The following ABCA12 variants were observed in gnomAD, a reference collection of about 807,000 sequenced individuals.
ABCA12 encodes glucosylceramide transporter ABCA12.
ABCA12 carries 156 observed loss-of-function variants against 293.5 expected under a neutral mutation model. The ratio of observed to expected loss-of-function variants is 0.53; its 90% CI spans 0.47 to 0.61. The LOEUF (loss-of-function observed/expected upper bound fraction) is 0.61, where lower values mean the gene tolerates loss of function less well. Ranked by LOEUF, ABCA12 falls within the 20% of genes least tolerant of loss-of-function variation. The probability of loss-of-function intolerance (pLI) is 0.00; values close to 1 mark genes in which losing one functional copy is unlikely to be tolerated. For synonymous variants in ABCA12, 1,063 were observed against 1,108.0 expected, an observed-to-expected ratio of 0.96 and a Z score of 0.81; for missense variants, 2,797 against 3,090.2, an observed-to-expected ratio of 0.91 and a Z score of 2.25.
At chr2:215,068,065 C>A (rs1701669229) in intron 2 of ABCA12, among the ~76,000 whole-genome samples, 1 of 152,108 alleles carries the variant, frequency 6.6e-6, no homozygotes, top group East Asian at 1.9e-4. Context: ...AGAATCTATT[C>A]TGAACACTGT....
chr2:215,075,458 C>T (rs1382752375), intron 2 of ABCA12: 5 of 647,296 alleles, frequency 7.7e-6, no homozygotes, highest in Non-Finnish European at 1.4e-5. Context: ...AAGGTTCAGA[C>T]AGGAGCGAGA....
intron 2 of ABCA12, among the ~76,000 whole-genome samples, chr2:215,110,277 G>T (rs527640324): frequency 6.6e-6 from 1 of 152,156 alleles, no homozygotes; most frequent in South Asian, 2.1e-4. Flanking sequence ...TTGGGAGGCC[G>T]AGGTGGGTGG....
intron 2 of ABCA12, 77 bp from the exon 3 acceptor site, chr2:215,064,296 T>C (rs1701595896): frequency 1.2e-5 from 18 of 1,449,634 alleles, no homozygotes; most frequent in South Asian, 9.3e-5. Flanking sequence ...TAACTCCACT[T>C]TGTGAAGTTA....
At chr2:214,944,609 C>T (rs1409627826) in intron 49 of ABCA12, among the ~76,000 whole-genome samples, 2 of 151,684 alleles carry the variant, frequency 1.3e-5, no homozygotes, top group African/African-American at 4.8e-5. Context: ...GAGAGCCTTG[C>T]ATGTTGAGCC....
intron 1 of ABCA12, among the ~76,000 whole-genome samples, chr2:215,126,079 T>A (rs529439917): frequency 6.6e-6 from 1 of 152,332 alleles, no homozygotes; most frequent in Non-Finnish European, 1.5e-5. Flanking sequence ...TTAATTCTGT[T>A]TATGTGGTGT....
chr2:215,096,755 C>T (rs181957847), intron 2 of ABCA12, among the ~76,000 whole-genome samples: 1 of 152,256 alleles, frequency 6.6e-6, no homozygotes, highest in African/African-American at 2.4e-5. Context: ...ATCTAGTCTT[C>T]TGACACTATC....
chr2:215,078,150 T>C (rs1304806229), intron 2 of ABCA12, among the ~76,000 whole-genome samples: 1 of 152,236 alleles, frequency 6.6e-6, no homozygotes, highest in Non-Finnish European at 1.5e-5. Context: ...ATTAGCCAGA[T>C]GGCAGCTCTT....
intron 1 of ABCA12, among the ~76,000 whole-genome samples, chr2:215,113,982 T>C (rs1420426791): frequency 6.6e-6 from 1 of 152,082 alleles, no homozygotes; most frequent in African/African-American, 2.4e-5. Flanking sequence ...ATAAACTTGC[T>C]TTTTTTTCTT....
At chr2:215,017,733 G>A in intron 14 of ABCA12, 4 of 383,336 alleles carry the variant, frequency 1.0e-5, no homozygotes, top group South Asian at 9.9e-5. Context: ...CTCATTGATT[G>A]AGGAAGCCAT....
Position 215,138,318 on chromosome 2 carries a change from C to T in ABCA12, c.-110G>A, listed in dbSNP as rs754004029. The T allele has an allele frequency of 2.6e-5, 29 of 1,130,352 alleles. No homozygotes were observed. The highest frequency in any genetic ancestry group is 3.6e-5 in the Non-Finnish European group (27 of 741,922). 70.0% of individuals were successfully genotyped at this position (1,130,352 alleles called of 1,614,324 possible). On this transcript the variant is annotated 5_prime_UTR_variant, in exon 1 of 53. The change creates a new upstream start codon in the 5' untranslated region. Transcript: ENST00000272895. ...TGTCAGTGTATCAGTACCCCTTTCA[C>T]GGCATAGCTTCCTTGAGGGCTGGGG...
intron 23 of ABCA12, among the ~76,000 whole-genome samples, chr2:214,995,024 T>C (rs919615699): frequency 4.6e-5 from 7 of 152,198 alleles, no homozygotes; most frequent in Non-Finnish European, 1.0e-4. Flanking sequence ...ATAGCTTCAG[T>C]ATTTTAATTT....
intron 38 of ABCA12, among the ~76,000 whole-genome samples, 180 bp downstream of exon 38, chr2:214,968,540 T>C (rs562829407): frequency 6.6e-6 from 1 of 152,254 alleles, no homozygotes; most frequent in East Asian, 1.9e-4. Flanking sequence ...TGTGTCCTGA[T>C]GCTAATGTGT....
At chr2:215,098,249 C>A (rs536335863) in intron 2 of ABCA12, among the ~76,000 whole-genome samples, 2 of 152,304 alleles carry the variant, frequency 1.3e-5, no homozygotes, top group South Asian at 4.2e-4. Flanking sequence ...AGCCCCCACA[C>A]CCCCTGCAAT....
chr2:214,934,268 A>C, intron 51 of ABCA12, 53 bp from the exon 52 acceptor site: 1 of 1,599,534 alleles, frequency 6.3e-7, no homozygotes. Flanking sequence ...TAATGTTGAC[A>C]TGACTAGACA....
chr2:214,976,535 C>A (rs1450799851), intron 33 of ABCA12, among the ~76,000 whole-genome samples: 2 of 152,172 alleles, frequency 1.3e-5, no homozygotes, highest in African/African-American at 4.8e-5. Context: ...CTAATTGGCT[C>A]TGATTCTAAC....
chr2:215,099,029 C>G (rs923701064), intron 2 of ABCA12, among the ~76,000 whole-genome samples: 3 of 152,206 alleles, frequency 2.0e-5, no homozygotes, highest in Non-Finnish European at 4.4e-5. Context: ...AAAGGTGGAG[C>G]CTAATTCCCT....
At chr2:215,085,652 G>A (rs1188219374) in intron 2 of ABCA12, among the ~76,000 whole-genome samples, 4 of 152,174 alleles carry the variant, frequency 2.6e-5, no homozygotes, top group East Asian at 3.9e-4. Context: ...TTAGCTTTAC[G>A]TACACAAGGA....
chr2:215,086,851 A>G (rs1204339552), intron 2 of ABCA12, among the ~76,000 whole-genome samples: 1 of 152,136 alleles, frequency 6.6e-6, no homozygotes, highest in Non-Finnish European at 1.5e-5. Context: ...TTCACTGTAA[A>G]CACACCAACT....
At chr2:214,958,204 T>C in intron 41 of ABCA12, 73 bp downstream of exon 41, 1 of 1,581,604 alleles carries the variant, frequency 6.3e-7, no homozygotes, top group Non-Finnish European at 8.7e-7. Flanking sequence ...TAAATAACTC[T>C]TGAATAGAAA....
Sources: gnomAD v4.1 joint callset for allele counts (sites outside exome capture counted in the v4.1 genomes callset) on GRCh38, gnomAD v4.1.1 for gene constraint, MANE v1.5 for transcripts, NCBI Gene and HGNC (gene_info 2026-07-23, HGNC 2026-07-21) for gene names.